Variants in ADGRL3 observed in about 807,000 individuals in gnomAD.
ADGRL3 encodes the protein calcium-independent alpha-latrotoxin receptor 3.
In ADGRL3, 62 loss-of-function variants were observed where a neutral mutation model predicts 153.5. That is an observed-to-expected ratio of 0.40 (90% CI 0.33 to 0.50). ADGRL3 has a LOEUF of 0.50. Among genes scored for constraint, ADGRL3 ranks in the 20% least tolerant of loss-of-function variants. The probability of loss-of-function intolerance (pLI) is 0.47; values close to 1 mark genes in which losing one functional copy is unlikely to be tolerated. For synonymous variants in ADGRL3, 710 were observed against 672.5 expected (o/e 1.06, Z -0.86); for missense variants, 1,641 against 1,859.4 (o/e 0.88, Z 2.16).
intron 8 of ADGRL3, among the ~76,000 whole-genome samples, chr4:61,769,395 C>T (rs1487897861): frequency 6.6e-6 from 1 of 151,918 alleles, no homozygotes; most frequent in Non-Finnish European, 1.5e-5. Context: ...GGCCGCTTAC[C>T]GGATTTGAAA....
At chr4:61,267,996 A>G (rs1158750951) in intron 1 of ADGRL3, among the ~76,000 whole-genome samples, 1 of 151,714 alleles carries the variant, frequency 6.6e-6, no homozygotes, top group Non-Finnish European at 1.5e-5. Flanking sequence ...AATCTTGGGA[A>G]GGAAAAATAG....
intron 5 of ADGRL3, among the ~76,000 whole-genome samples, chr4:61,589,804 G>C (rs1207314947): frequency 6.6e-6 from 1 of 152,038 alleles, no homozygotes; most frequent in African/African-American, 2.4e-5. Context: ...CGTGAACAAA[G>C]GCATAAATTA....
At chr4:61,537,464 A>T (rs1339955475) in intron 4 of ADGRL3, among the ~76,000 whole-genome samples, 1 of 152,118 alleles carries the variant, frequency 6.6e-6, no homozygotes, top group African/African-American at 2.4e-5. Flanking sequence ...TTCCTCAAAT[A>T]TGTTTTCCAA....
At chr4:61,981,680 A>G (rs1339887117) in intron 18 of ADGRL3, among the ~76,000 whole-genome samples, 1 of 145,992 alleles carries the variant, frequency 6.8e-6, no homozygotes, top group Non-Finnish European at 1.5e-5. Context: ...CTTAAGATTT[A>G]TGCACATGTT....
At chr4:61,482,845 G>T (rs1157009134) in intron 2 of ADGRL3, among the ~76,000 whole-genome samples, 4 of 152,130 alleles carry the variant, frequency 2.6e-5, no homozygotes, top group South Asian at 2.1e-4. Flanking sequence ...TATTTCAGGT[G>T]CATGGTCTCT....
At chr4:61,953,619 T>C (rs926881691) in intron 17 of ADGRL3, among the ~76,000 whole-genome samples, 12 of 152,144 alleles carry the variant, frequency 7.9e-5, no homozygotes, top group Middle Eastern at 3.2e-3. Flanking sequence ...AAAACTCATA[T>C]TTTTAGAGAA....
intron 4 of ADGRL3, among the ~76,000 whole-genome samples, chr4:61,554,969 C>G (rs1213662383): frequency 6.6e-6 from 1 of 152,152 alleles, no homozygotes; most frequent in Non-Finnish European, 1.5e-5. Flanking sequence ...GTAAATTGAC[C>G]AGGAAATGTA....
intron 4 of ADGRL3, among the ~76,000 whole-genome samples, chr4:61,580,180 G>A: frequency 6.7e-6 from 1 of 149,074 alleles, no homozygotes. Context: ...AACTCTTTTA[G>A]AATCATTAGC....
At chr4:61,876,376 A>G (rs1228083036) in intron 9 of ADGRL3, among the ~76,000 whole-genome samples, 1 of 152,094 alleles carries the variant, frequency 6.6e-6, no homozygotes, top group Non-Finnish European at 1.5e-5. Flanking sequence ...TGATACTCAT[A>G]AAGAACTGTT....
intron 8 of ADGRL3, among the ~76,000 whole-genome samples, chr4:61,739,227 T>C (rs1036021904): frequency 9.9e-5 from 15 of 152,168 alleles, no homozygotes; most frequent in Non-Finnish European, 1.6e-4. Flanking sequence ...ATAAAAAGTT[T>C]TTTTTGGAAC....
chr4:62,004,113 T>C (rs2099149735), intron 21 of ADGRL3, among the ~76,000 whole-genome samples: 1 of 152,070 alleles, frequency 6.6e-6, no homozygotes, highest in South Asian at 2.1e-4. Flanking sequence ...TATTTTGTGG[T>C]TGAGGTCTAT....
At chr4:61,607,373 C>T (rs554292477) in intron 5 of ADGRL3, among the ~76,000 whole-genome samples, 45 of 152,118 alleles carry the variant, frequency 3.0e-4, no homozygotes, top group East Asian at 5.8e-4. Flanking sequence ...CCAAGGTGGG[C>T]GGATTACGAG....
chr4:61,666,975 C>T (rs1049199397), intron 5 of ADGRL3, among the ~76,000 whole-genome samples: 21 of 152,164 alleles, frequency 1.4e-4, no homozygotes, highest in African/African-American at 4.1e-4. Context: ...ATCACTGGTA[C>T]AGAAGCCAGG....
intron 1 of ADGRL3, among the ~76,000 whole-genome samples, chr4:61,372,542 G>A (rs1030500661): frequency 7.9e-5 from 12 of 152,184 alleles, no homozygotes; most frequent in Middle Eastern, 3.2e-3. Flanking sequence ...AGGCTGCTCG[G>A]GGGTCAGGGG....
At chr4:61,909,859 A>G (rs2098714277) in intron 12 of ADGRL3, 114 bp downstream of exon 12, 5 of 697,958 alleles carry the variant, frequency 7.2e-6, no homozygotes, top group East Asian at 2.9e-5. Flanking sequence ...CTCCTTCTAC[A>G]GAATATGATC....
chr4:61,829,125 C>A (rs1359977451), intron 9 of ADGRL3, among the ~76,000 whole-genome samples: 1 of 152,192 alleles, frequency 6.6e-6, no homozygotes, highest in Non-Finnish European at 1.5e-5. Context: ...TATAGCCTAT[C>A]ACTATCACAC....
At chr4:61,850,176 G>GATA (rs1283320290) in intron 9 of ADGRL3, among the ~76,000 whole-genome samples, 2 of 151,818 alleles carry the variant, frequency 1.3e-5, no homozygotes, top group East Asian at 3.9e-4. Flanking sequence ...ACATACCATG[G>GATA]GTATATGCAT....
intron 6 of ADGRL3, among the ~76,000 whole-genome samples, chr4:61,700,402 A>C (rs2095733628): frequency 6.6e-6 from 1 of 152,188 alleles, no homozygotes; most frequent in African/African-American, 2.4e-5. Flanking sequence ...GAAGAGTATT[A>C]CTTGTCAGTT....
At chr4:61,406,492 C>A (rs1291882021) in intron 2 of ADGRL3, among the ~76,000 whole-genome samples, 1 of 91,826 alleles carries the variant, frequency 1.1e-5, no homozygotes, top group African/African-American at 3.0e-5. Flanking sequence ...ATTGAACATG[C>A]AGATTTTTTT....
Sources: gnomAD v4.1 joint callset for allele counts (sites outside exome capture counted in the v4.1 genomes callset) on GRCh38, gnomAD v4.1.1 for gene constraint, MANE v1.5 for transcripts, NCBI Gene and HGNC (gene_info 2026-07-23, HGNC 2026-07-21) for gene names.